BTBD9: variants seen among roughly 807,000 people sequenced by gnomAD.
The protein encoded by BTBD9 is BTB/POZ domain-containing protein 9.
Under a neutral mutation model 64.3 loss-of-function variants are expected in BTBD9, and 49 were observed. That is an observed-to-expected ratio of 0.76 (90% CI 0.61 to 0.97). The LOEUF is 0.97. BTBD9 is among the 50% of genes least tolerant of loss of function. BTBD9 has a pLI of 0.00. For synonymous variants in BTBD9, 260 were observed against 274.7 expected (o/e 0.95, Z 0.53); for missense variants, 598 against 762.1 (o/e 0.78, Z 2.53).
intron 10 of BTBD9, among the ~76,000 whole-genome samples, chr6:38,176,367 T>C (rs1761248162): frequency 6.6e-6 from 1 of 152,252 alleles, no homozygotes; most frequent in South Asian, 2.1e-4. Context: ...ACCACTGTTT[T>C]AAATTTCACA....
intron 6 of BTBD9, among the ~76,000 whole-genome samples, chr6:38,387,245 G>C (rs978254800): frequency 5.9e-5 from 9 of 152,164 alleles, no homozygotes; most frequent in African/African-American, 2.2e-4. Context: ...AGGATAATAA[G>C]ACAAAAGTTG....
At chr6:38,527,263 C>CAAAAAAAAAAAAAAAAA (rs55979438) in intron 6 of BTBD9, among the ~76,000 whole-genome samples, 4 of 53,338 alleles carry the variant, frequency 7.5e-5, no homozygotes, top group African/African-American at 3.5e-4. Context: ...GACTCTGTCT[C>CAAAAAAAAAAAAAAAAA]AAAAAAAAAA....
intron 6 of BTBD9, among the ~76,000 whole-genome samples, chr6:38,350,407 G>A (rs1031983753): frequency 4.6e-5 from 7 of 152,132 alleles, no homozygotes; most frequent in African/African-American, 1.2e-4. Context: ...GTGGTATTCC[G>A]CAGTCTTCAG....
intron 6 of BTBD9, among the ~76,000 whole-genome samples, chr6:38,351,507 G>GTTTTT (rs70981542): frequency 4.5e-4 from 46 of 102,700 alleles, no homozygotes; most frequent in East Asian, 2.3e-3. Flanking sequence ...AATTGTTGTT[G>GTTTTT]TTTTTTTTTT....
At chr6:38,453,933 T>C (rs1463936644) in intron 6 of BTBD9, among the ~76,000 whole-genome samples, 1 of 152,136 alleles carries the variant, frequency 6.6e-6, no homozygotes, top group Non-Finnish European at 1.5e-5. Context: ...ATTTAAGAAA[T>C]AGAGCGATAC....
chr6:38,482,841 A>T (rs1771219801), intron 6 of BTBD9, among the ~76,000 whole-genome samples: 1 of 152,182 alleles, frequency 6.6e-6, no homozygotes, highest in African/African-American at 2.4e-5. Flanking sequence ...AGGCACAAGC[A>T]CTGTCAACAT....
intron 1 of BTBD9, among the ~76,000 whole-genome samples, chr6:38,598,551 CA>C (rs1777137259): frequency 1.3e-5 from 2 of 152,146 alleles, no homozygotes; most frequent in Admixed American, 1.3e-4. Flanking sequence ...AAATTACAAA[CA>C]GAATAAATGA....
intron 6 of BTBD9, among the ~76,000 whole-genome samples, chr6:38,451,521 C>T (rs1005319346): frequency 6.6e-6 from 1 of 152,148 alleles, no homozygotes; most frequent in African/African-American, 2.4e-5. Context: ...TTATAACTCC[C>T]ACTCACCTTA....
intron 2 of BTBD9, among the ~76,000 whole-genome samples, chr6:38,595,177 C>A (rs1035992629): frequency 6.6e-6 from 1 of 152,156 alleles, no homozygotes; most frequent in African/African-American, 2.4e-5. Flanking sequence ...TGTTTATGCA[C>A]ATATGTCTAC....
At chr6:38,224,774 A>G (rs1763334697) in intron 9 of BTBD9, among the ~76,000 whole-genome samples, 1 of 152,254 alleles carries the variant, frequency 6.6e-6, no homozygotes, top group African/African-American at 2.4e-5. Context: ...AATCAGAGCT[A>G]TCCAAATATC....
chr6:38,513,662 T>C (rs561185817), intron 6 of BTBD9, among the ~76,000 whole-genome samples: 8 of 152,098 alleles, frequency 5.3e-5, no homozygotes, highest in Admixed American at 5.2e-4. Context: ...ACACACATCA[T>C]TTATAGCTAT....
At chr6:38,586,122 C>T (rs1286909864) in intron 4 of BTBD9, among the ~76,000 whole-genome samples, 1 of 151,998 alleles carries the variant, frequency 6.6e-6, no homozygotes, top group African/African-American at 2.4e-5. Context: ...ACTCTCTTTC[C>T]CCAAATCTAA....
At chr6:38,537,662 A>G (rs1774080773) in intron 6 of BTBD9, among the ~76,000 whole-genome samples, 1 of 152,236 alleles carries the variant, frequency 6.6e-6, no homozygotes, top group South Asian at 2.1e-4. Flanking sequence ...TGCTATGTAC[A>G]AAGAAAACAT....
intron 1 of BTBD9, among the ~76,000 whole-genome samples, chr6:38,618,989 A>G (rs1582726781): frequency 6.6e-6 from 1 of 152,178 alleles, no homozygotes; most frequent in East Asian, 1.9e-4. Context: ...AGTCGCAAAC[A>G]TCTGTTGACC....
intron 6 of BTBD9, among the ~76,000 whole-genome samples, chr6:38,576,070 A>G (rs2814893): frequency 0.36 from 55,337 of 151,986 alleles, 10,177 homozygotes; most frequent in African/African-American, 0.41. Context: ...ATTCATAATG[A>G]TTTGTTCTGG....
At chr6:38,254,317 C>T (rs762248670) in intron 9 of BTBD9, among the ~76,000 whole-genome samples, 1 of 151,906 alleles carries the variant, frequency 6.6e-6, no homozygotes, top group African/African-American at 2.4e-5. Context: ...GTTAACCTAA[C>T]CAATATATAT....
chr6:38,178,485 C>T lies in BTBD9; in HGVS notation c.1642-3303G>A, dbSNP rs548541170. Among the ~76,000 whole-genome samples the T allele has an allele frequency of 4.6e-5, 7 of 152,220 alleles. No individual in the cohort carries two copies. The East Asian group carries it at 7.8e-4, about 17-fold the overall frequency. Reference sequence around the variant, plus strand: ...GTCCCAGCTGCCCTCAGAGGGTGTACGGTCCAGTGAGGCCAGCAGACACAT... The same window carrying T: ...GTCCCAGCTGCCCTCAGAGGGTGTATGGTCCAGTGAGGCCAGCAGACACAT... On this transcript the variant is annotated intron_variant, in intron 10 of 10. Coordinates refer to ENST00000481247, the MANE Select transcript of BTBD9 (RefSeq NM_001099272.2).
chr6:38,293,367 C>T (rs1762034243), intron 7 of BTBD9, among the ~76,000 whole-genome samples: 1 of 152,100 alleles, frequency 6.6e-6, no homozygotes, highest in African/African-American at 2.4e-5. Context: ...CCAAGACAAT[C>T]CTAAGAAAAA....
chr6:38,442,930 A>G (rs1265043321), intron 6 of BTBD9, among the ~76,000 whole-genome samples: 3 of 151,998 alleles, frequency 2.0e-5, no homozygotes, highest in African/African-American at 7.2e-5. Context: ...GGCCTCCCAA[A>G]GTGCTGGGAT....
Sources: allele counts gnomAD v4.1 joint callset (sites outside exome capture counted in the v4.1 genomes callset), GRCh38; gene constraint gnomAD v4.1.1; transcripts MANE v1.5; gene names NCBI Gene and HGNC (gene_info 2026-07-23, HGNC 2026-07-21).